Variants in EML5 observed in about 807,000 individuals in gnomAD.
EML5 encodes the protein echinoderm microtubule-associated protein-like 5.
Under a neutral mutation model 250.0 loss-of-function variants are expected in EML5, and 120 were observed. That is an observed-to-expected ratio of 0.48 (90% CI 0.41 to 0.56). The LOEUF (loss-of-function observed/expected upper bound fraction) is 0.56, where lower values mean the gene tolerates loss of function less well. Ranked by LOEUF, EML5 falls within the 20% of genes least tolerant of loss-of-function variation. The pLI is 0.00. For synonymous variants in EML5, 771 were observed against 806.5 expected, an observed-to-expected ratio of 0.96 and a Z score of 0.75; for missense variants, 2,006 against 2,437.6, an observed-to-expected ratio of 0.82 and a Z score of 3.73.
chr14:88,696,610 A>G (rs946637271), intron 15 of EML5, among the ~76,000 whole-genome samples: 2 of 152,202 alleles, frequency 1.3e-5, no homozygotes, highest in African/African-American at 4.8e-5. Context: ...TTTTTATGTT[A>G]ACAGAAACAT....
At chr14:88,761,462 G>T (rs1052886763) in intron 1 of EML5, among the ~76,000 whole-genome samples, 11 of 152,076 alleles carry the variant, frequency 7.2e-5, no homozygotes, top group Non-Finnish European at 5.9e-5. Context: ...TTGGTTTTCT[G>T]TTCCTATGTT....
intron 5 of EML5, among the ~76,000 whole-genome samples, chr14:88,739,444 T>C (rs1230350944): frequency 6.6e-6 from 1 of 152,164 alleles, no homozygotes; most frequent in Non-Finnish European, 1.5e-5. Context: ...CATGACTATA[T>C]ATAACCAAGG....
chr14:88,762,236 C>A (rs548056830), intron 1 of EML5, among the ~76,000 whole-genome samples: 4 of 152,104 alleles, frequency 2.6e-5, no homozygotes, highest in African/African-American at 9.7e-5. Flanking sequence ...ACGGGCCATG[C>A]GTAGTGGCTC....
intron 9 of EML5, among the ~76,000 whole-genome samples, chr14:88,713,684 G>T (rs1813304597): frequency 6.7e-6 from 1 of 149,706 alleles, no homozygotes; most frequent in African/African-American, 2.5e-5. Context: ...TCAAACTCCT[G>T]GGCTCAAGAG....
chr14:88,673,382 T>C (rs1345764834), intron 21 of EML5, among the ~76,000 whole-genome samples: 1 of 152,166 alleles, frequency 6.6e-6, no homozygotes, highest in Non-Finnish European at 1.5e-5. Context: ...TGATGGAACA[T>C]ACCTCAAAAT....
At chr14:88,618,444 T>TA in intron 40 of EML5, 113 bp from the exon 41 acceptor site, 4 of 1,124,460 alleles carry the variant, frequency 3.6e-6, no homozygotes, top group Non-Finnish European at 5.1e-6. Context: ...CTAACATTAT[T>TA]AAGTATGCAA....
At chr14:88,630,766 C>A (rs1000912653) in intron 33 of EML5, among the ~76,000 whole-genome samples, 1 of 152,144 alleles carries the variant, frequency 6.6e-6, no homozygotes, top group African/African-American at 2.4e-5. Flanking sequence ...TTTTTTGCTT[C>A]TTTCCCACTG....
At chr14:88,678,451 ATAAAAAAAAATTT>A (rs1312717698) in intron 21 of EML5, among the ~76,000 whole-genome samples, 4 of 152,122 alleles carry the variant, frequency 2.6e-5, no homozygotes, top group Admixed American at 2.0e-4. Flanking sequence ...ATAACATAAA[ATAAAAAAAAATTT>A]TAAAGCCACA....
At chr14:88,771,630 A>C (rs1245028216) in intron 1 of EML5, among the ~76,000 whole-genome samples, 1 of 152,186 alleles carries the variant, frequency 6.6e-6, no homozygotes, top group Non-Finnish European at 1.5e-5. Flanking sequence ...TATTGTGTTA[A>C]CATACTTCAA....
Position 88,776,942 on chromosome 14 carries a change from T to C in EML5, c.197+15365A>G, listed in dbSNP as rs114363610. Among the ~76,000 whole-genome samples, 858 of 151,766 alleles carry C rather than the reference T, an allele frequency of 5.7e-3. 6 individuals are homozygous for C. The highest frequency in any genetic ancestry group is 0.02 in the African/African-American group (826 of 41,372). On this transcript the variant is annotated intron_variant, in intron 1 of 43. Transcript: ENST00000554922. ...AAGTACCCCTATAAGATCTAGAAAA[T>C]AGTCTCAAAAGGGCAAATAAAGGAG...
intron 20 of EML5, among the ~76,000 whole-genome samples, chr14:88,682,612 C>A (rs1469505917): frequency 6.6e-6 from 1 of 152,094 alleles, no homozygotes; most frequent in African/African-American, 2.4e-5. Flanking sequence ...ACACTAGGCT[C>A]TCTCTCCCCC....
chr14:88,738,821 GATAATCTT>G, intron 6 of EML5, 50 bp downstream of exon 6: 1 of 1,505,770 alleles, frequency 6.6e-7, no homozygotes, highest in Non-Finnish European at 8.9e-7. Context: ...GAAAGAAAGA[GATAATCTT>G]TGGGAAGTTT....
intron 1 of EML5, among the ~76,000 whole-genome samples, chr14:88,769,766 G>A (rs963035113): frequency 8.6e-5 from 13 of 151,976 alleles, no homozygotes; most frequent in African/African-American, 2.7e-4. Flanking sequence ...TCATGAATTC[G>A]TATCAACACT....
intron 20 of EML5, among the ~76,000 whole-genome samples, chr14:88,683,557 T>C (rs2092762019): frequency 6.6e-6 from 1 of 152,148 alleles, no homozygotes; most frequent in African/African-American, 2.4e-5. Flanking sequence ...CAATATCTCT[T>C]ATAAATACTG....
At chr14:88,699,106 G>A (rs2093148480) in intron 14 of EML5, among the ~76,000 whole-genome samples, 1 of 152,140 alleles carries the variant, frequency 6.6e-6, no homozygotes, top group South Asian at 2.1e-4. Flanking sequence ...CAGGGATGAA[G>A]GGGAGAAGGG....
chr14:88,660,112 CAAA>C (rs1555429208), intron 25 of EML5, among the ~76,000 whole-genome samples: 1 of 150,776 alleles, frequency 6.6e-6, no homozygotes, highest in African/African-American at 2.4e-5. Flanking sequence ...CCCATCTCTA[CAAA>C]AAAAAATTTT....
intron 32 of EML5, among the ~76,000 whole-genome samples, chr14:88,637,763 G>A (rs912102147): frequency 1.3e-5 from 2 of 152,126 alleles, no homozygotes; most frequent in African/African-American, 4.8e-5. Context: ...TCAAGGAGAT[G>A]GGCCTTGTTC....
At chr14:88,725,852 A>G (rs2140075265) in intron 8 of EML5, among the ~76,000 whole-genome samples, 1 of 152,196 alleles carries the variant, frequency 6.6e-6, no homozygotes, top group Middle Eastern at 3.4e-3. Context: ...TCAGAAGTAG[A>G]CTCTCCAGAA....
At chr14:88,686,821 CAACA>C (rs1296449603) in intron 19 of EML5, among the ~76,000 whole-genome samples, 4 of 151,922 alleles carry the variant, frequency 2.6e-5, no homozygotes, top group Non-Finnish European at 4.4e-5. Flanking sequence ...TTAAATAAAT[CAACA>C]AACAAATGGC....
Sources: gnomAD v4.1 joint callset for allele counts (sites outside exome capture counted in the v4.1 genomes callset) on GRCh38, gnomAD v4.1.1 for gene constraint, MANE v1.5 for transcripts, NCBI Gene and HGNC (gene_info 2026-07-23, HGNC 2026-07-21) for gene names.